Variants in SPRY3 observed in about 807,000 individuals in gnomAD.
SPRY3 encodes sprouty RTK signaling antagonist 3.
Under a neutral mutation model 20.2 loss-of-function variants are expected in SPRY3, and 15 were observed. The ratio of observed to expected loss-of-function variants is 0.74; its 90% CI spans 0.50 to 1.14. The LOEUF (loss-of-function observed/expected upper bound fraction) is 1.14. Among genes scored for constraint, SPRY3 ranks in the 50% most tolerant of loss-of-function variants. The pLI, the probability that SPRY3 is intolerant of heterozygous loss-of-function variation, is 0.00. For synonymous variants in SPRY3, 143 were observed against 136.5 expected (o/e 1.05, Z -0.33); for missense variants, 364 against 363.9 (o/e 1.00, Z 0.00).
chrX:155,771,554 C>CAT (rs2091381720), intron 3 of SPRY3, among the ~76,000 whole-genome samples: 1 of 151,920 alleles, frequency 6.6e-6, no homozygotes, highest in Non-Finnish European at 1.5e-5. Context: ...TGCAGGGCTC[C>CAT]ACATATTCTT....
chrX:155,688,038 C>G (rs1470743313), intron 2 of SPRY3, among the ~76,000 whole-genome samples: 1 of 81,526 alleles, frequency 1.2e-5, no homozygotes, highest in African/African-American at 4.5e-5. Context: ...TGCTCTCCCT[C>G]CCCCCACCCC....
At chrX:155,770,080 A>G (rs927140702) in intron 3 of SPRY3, among the ~76,000 whole-genome samples, 16 of 152,280 alleles carry the variant, frequency 1.1e-4, no homozygotes, top group African/African-American at 3.9e-4. Context: ...GAAAAAAGCA[A>G]CACACCTAAG....
rs782525758 is a variant in SPRY3 at position 155,673,792 on chromosome X, A to C, written c.-282+16767A>C. 1.8e-4 allele frequency among the ~76,000 whole-genome samples: 20 copies of C among 112,196 alleles called. No homozygotes were observed. In the East Asian group the frequency reaches 3.9e-3, roughly 22 times the overall value. On this transcript the variant is annotated intron_variant, in intron 2 of 3. Transcript: ENST00000675360. ...CACTGATTCAGGATACACTTAAGAG[A>C]GGGCAGCCCTCTTTGCCTATAGTCG...
At chrX:155,738,652 G>T (rs1347343797) in intron 2 of SPRY3, among the ~76,000 whole-genome samples, 1 of 152,266 alleles carries the variant, frequency 6.6e-6, no homozygotes, top group Admixed American at 6.5e-5. Flanking sequence ...AAGGGAGTTG[G>T]TGAGTGATCA....
chrX:155,727,972 G>C (rs1350215306), intron 2 of SPRY3, among the ~76,000 whole-genome samples: 1 of 152,018 alleles, frequency 6.6e-6, no homozygotes, highest in Non-Finnish European at 1.5e-5. Flanking sequence ...TGGTGGATGG[G>C]GTTTTGGTGT....
intron 2 of SPRY3, among the ~76,000 whole-genome samples, chrX:155,676,486 C>T (rs1297275341): frequency 2.7e-5 from 3 of 111,196 alleles, no homozygotes; most frequent in African/African-American, 9.8e-5. Context: ...CTCTCTGGAC[C>T]TTAGTGGCAA....
downstream of SPRY3, chrX:155,779,203 A>G (rs1362939613): frequency 6.0e-6 from 1 of 167,016 alleles, no homozygotes; most frequent in Non-Finnish European, 1.5e-5. Context: ...GCACTTAAAT[A>G]TGTACCTTGG....
At chrX:155,726,527 G>A (rs2091098632) in intron 2 of SPRY3, among the ~76,000 whole-genome samples, 2 of 152,058 alleles carry the variant, frequency 1.3e-5, no homozygotes, top group Non-Finnish European at 1.5e-5. Context: ...TATATATTTA[G>A]GATAGTCAGC....
chrX:155,688,799 T>TATTAAGCC (rs1310794245), intron 2 of SPRY3, among the ~76,000 whole-genome samples: 7 of 87,865 alleles, frequency 8.0e-5, no homozygotes, highest in African/African-American at 1.6e-4. Context: ...ATCACCTAGC[T>TATTAAGCC]CTTTTCCCTA....
chrX:155,652,642 G>A (rs782786739), intron 1 of SPRY3, among the ~76,000 whole-genome samples: 3 of 111,896 alleles, frequency 2.7e-5, no homozygotes, highest in Non-Finnish European at 5.6e-5. Flanking sequence ...GGACACTCGG[G>A]TTGTTACCAC....
chrX:155,704,955 A>G (rs1400017771), intron 2 of SPRY3, among the ~76,000 whole-genome samples: 3 of 151,620 alleles, frequency 2.0e-5, no homozygotes, highest in African/African-American at 2.4e-5. Context: ...ACTGTATCAG[A>G]CAAGCAAAAA....
exon 4 of SPRY3, chrX:155,774,549 C>T: frequency 6.2e-7 from 1 of 1,614,016 alleles, no homozygotes; most frequent in Non-Finnish European, 8.5e-7. Context: ...CAGCCATGAG[C>T]CTCATCTCCC....
chrX:155,660,106 T>A (rs1197687875), intron 2 of SPRY3, among the ~76,000 whole-genome samples: 1 of 111,808 alleles, frequency 8.9e-6, no homozygotes, highest in Non-Finnish European at 1.9e-5. Context: ...TTTCTTGAGG[T>A]GTGACATTAG....
intron 2 of SPRY3, among the ~76,000 whole-genome samples, chrX:155,710,191 C>A (rs1243264863): frequency 1.3e-5 from 2 of 151,404 alleles, no homozygotes; most frequent in Non-Finnish European, 3.0e-5. Context: ...TTTTTTATTT[C>A]TGTGAAGAAT....
At chrX:155,753,356 T>G (rs1466657202) in intron 2 of SPRY3, among the ~76,000 whole-genome samples, 1 of 151,932 alleles carries the variant, frequency 6.6e-6, no homozygotes, top group Non-Finnish European at 1.5e-5. Flanking sequence ...ATATGACCTT[T>G]TGTGTCTGGC....
chrX:155,665,395 T>C (rs2068021556), intron 2 of SPRY3, among the ~76,000 whole-genome samples: 1 of 111,015 alleles, frequency 9.0e-6, no homozygotes, highest in African/African-American at 3.3e-5. Context: ...GGAGATATGG[T>C]GAAGGATGTT....
chrX:155,634,308 C>A (rs1442882188), intron 1 of SPRY3, among the ~76,000 whole-genome samples: 6 of 111,366 alleles, frequency 5.4e-5, no homozygotes, highest in Non-Finnish European at 1.9e-5. Context: ...TTTTTCCTCA[C>A]TGAAATAGAC....
chrX:155,741,042 A>G (rs1232229929), intron 2 of SPRY3, among the ~76,000 whole-genome samples: 4 of 152,164 alleles, frequency 2.6e-5, no homozygotes, highest in African/African-American at 7.2e-5. Context: ...CCCGATAATA[A>G]TGAACTTCAC....
At chrX:155,720,805 C>T (rs2091052778) in intron 2 of SPRY3, among the ~76,000 whole-genome samples, 2 of 152,036 alleles carry the variant, frequency 1.3e-5, no homozygotes. Context: ...GAAAGCCTTC[C>T]CAAAAAGGTT....
Sources: allele counts gnomAD v4.1 joint callset (sites outside exome capture counted in the v4.1 genomes callset), GRCh38; gene constraint gnomAD v4.1.1; transcripts MANE v1.5; gene names NCBI Gene and HGNC (gene_info 2026-07-23, HGNC 2026-07-21).